CHODL: variants seen among roughly 807,000 people sequenced by gnomAD.
CHODL encodes chondrolectin, also known as transmembrane protein MT75.
A neutral mutation model predicts 34.5 loss-of-function variants in CHODL; 29 were observed. The observed-to-expected ratio is 0.84, with a 90% CI of 0.63 to 1.15. The LOEUF is 1.15. Ranked by LOEUF, CHODL falls within the 50% of genes most tolerant of loss-of-function variation. CHODL has a pLI of 0.00. For synonymous variants in CHODL, 125 were observed against 116.1 expected (o/e 1.08, Z -0.49); for missense variants, 332 against 332.5 (o/e 1.00, Z 0.01).
intron 2 of CHODL, among the ~76,000 whole-genome samples, chr21:18,102,253 C>G (rs917487625): frequency 6.6e-6 from 1 of 152,158 alleles, no homozygotes; most frequent in Non-Finnish European, 1.5e-5. Context: ...ATCCAGGGAA[C>G]GCCCAACACT....
chr21:17,975,091 G>T (rs2063650669), intron 1 of CHODL, among the ~76,000 whole-genome samples: 1 of 152,028 alleles, frequency 6.6e-6, no homozygotes, highest in African/African-American at 2.4e-5. Flanking sequence ...ACTTTGGAAG[G>T]CCAAGCCAGG....
chr21:18,174,098 G>GAGATATATATATATATCTTGGTAT lies in CHODL; in HGVS notation c.-44-82410_-44-82409insGATATATATATATATCTTGGTATA, dbSNP rs1568922980. On this transcript the variant is annotated intron_variant, in intron 2 of 6. Transcript: ENST00000400127. The stretch of plus-strand genomic sequence containing the variant: ...GAGGTAGAAGGGGAAACAAATACAG[G>GAGATATATATATATATCTTGGTAT]ATATATATATATATATATCTTGGTG... Among the ~76,000 whole-genome samples the GAGATATATATATATATCTTGGTAT allele has an allele frequency of 3.3e-4, 31 of 94,798 alleles. 7 individuals carry two copies. The highest frequency in any genetic ancestry group is 6.5e-4 in the Non-Finnish European group (27 of 41,442). The allele number at this position is 94,798 out of a possible 152,430, so 62.2% of individuals were successfully genotyped here. A position where few individuals can be genotyped will look rare whatever the true frequency, so the allele number is the denominator to read the frequency against.
At chr21:18,229,658 GAAT>G (rs1659596797) in intron 2 of CHODL, among the ~76,000 whole-genome samples, 5 of 152,154 alleles carry the variant, frequency 3.3e-5, no homozygotes, top group African/African-American at 1.2e-4. Flanking sequence ...GATATTTGTG[GAAT>G]AATAATACAA....
intron 1 of CHODL, among the ~76,000 whole-genome samples, chr21:17,937,174 T>C (rs1229937653): frequency 6.6e-6 from 1 of 152,068 alleles, no homozygotes; most frequent in Non-Finnish European, 1.5e-5. Context: ...GTTCAAGATC[T>C]TGATGATCCC....
upstream of CHODL, among the ~76,000 whole-genome samples, chr21:18,240,784 A>G (rs1011499491): frequency 6.6e-6 from 1 of 152,192 alleles, no homozygotes; most frequent in Non-Finnish European, 1.5e-5. Flanking sequence ...ACATATATTT[A>G]TATGATTCTT....
chr21:17,950,934 A>G (rs995034629), intron 1 of CHODL, among the ~76,000 whole-genome samples: 1 of 152,050 alleles, frequency 6.6e-6, no homozygotes, highest in Non-Finnish European at 1.5e-5. Flanking sequence ...TGGTCTTGCA[A>G]CCTCACAGTC....
chr21:18,012,902 G>T (rs2064032731), intron 1 of CHODL, among the ~76,000 whole-genome samples: 1 of 151,396 alleles, frequency 6.6e-6, no homozygotes, highest in Non-Finnish European at 1.5e-5. Context: ...GAGTGGTATT[G>T]CTGTCGTTCA....
chr21:18,001,917 G>A (rs2063910848), intron 1 of CHODL, among the ~76,000 whole-genome samples: 1 of 151,648 alleles, frequency 6.6e-6, no homozygotes, highest in East Asian at 1.9e-4. Context: ...TATTTTCCAT[G>A]TGTAGAATAA....
intron 2 of CHODL, among the ~76,000 whole-genome samples, chr21:18,150,181 G>A (rs535962719): frequency 2.0e-5 from 3 of 152,288 alleles, no homozygotes; most frequent in Non-Finnish European, 2.9e-5. Context: ...GAAAGGAAAC[G>A]TCTGGGTTAA....
chr21:18,036,198 A>G (rs1360755142), intron 2 of CHODL, among the ~76,000 whole-genome samples: 1 of 151,978 alleles, frequency 6.6e-6, no homozygotes, highest in East Asian at 1.9e-4. Flanking sequence ...TGAGTACTCT[A>G]CCTAATGACC....
intron 2 of CHODL, among the ~76,000 whole-genome samples, chr21:18,093,554 GAT>G (rs1247762618): frequency 2.0e-5 from 3 of 152,064 alleles, no homozygotes; most frequent in Non-Finnish European, 4.4e-5. Context: ...AGTACAATGA[GAT>G]ATAAAGATAA....
At chr21:18,028,227 C>CA (rs2064198839) in intron 2 of CHODL, among the ~76,000 whole-genome samples, 1 of 92,372 alleles carries the variant, frequency 1.1e-5, no homozygotes, top group Non-Finnish European at 2.4e-5. Context: ...CCCCTCCCCT[C>CA]CCCTCCCCTT....
At chr21:18,073,827 G>A (rs1282378715) in intron 2 of CHODL, among the ~76,000 whole-genome samples, 2 of 151,872 alleles carry the variant, frequency 1.3e-5, no homozygotes, top group Non-Finnish European at 2.9e-5. Context: ...AATCATTTAT[G>A]TAACTTATTA....
At chr21:17,920,293 G>T (rs2063173648) in intron 1 of CHODL, among the ~76,000 whole-genome samples, 1 of 152,220 alleles carries the variant, frequency 6.6e-6, no homozygotes. Context: ...AAAGAAAGAA[G>T]TTTAATGGAC....
chr21:18,170,431 T>A (rs1410871007), intron 2 of CHODL, among the ~76,000 whole-genome samples: 2 of 152,150 alleles, frequency 1.3e-5, no homozygotes, highest in Non-Finnish European at 2.9e-5. Flanking sequence ...AAACAGAATC[T>A]ACATCTGCCA....
chr21:18,175,454 G>A (rs1301257104), intron 2 of CHODL, among the ~76,000 whole-genome samples: 8 of 152,062 alleles, frequency 5.3e-5, no homozygotes, highest in East Asian at 1.9e-4. Flanking sequence ...TTAGCTGGGC[G>A]TGGTGGTGTG....
chr21:18,023,006 G>A (rs894410275), intron 1 of CHODL, among the ~76,000 whole-genome samples: 2 of 152,206 alleles, frequency 1.3e-5, no homozygotes, highest in South Asian at 4.1e-4. Context: ...GGTAACGGCT[G>A]TTGCCTAAAT....
Position 18,082,119 on chromosome 21 carries a change from C to A in CHODL, c.-45+54148C>A, listed in dbSNP as rs535470708. Reference sequence around the variant, plus strand: ...GTGGGAGATGATTGAATCGTGGGAGCAGACTTCTCCTTTGCTGTTCTTGTA... The same window carrying A: ...GTGGGAGATGATTGAATCGTGGGAGAAGACTTCTCCTTTGCTGTTCTTGTA... On this transcript the variant is annotated intron_variant, in intron 2 of 6. Transcript: ENST00000400127. Among the ~76,000 whole-genome samples the A allele has an allele frequency of 9.9e-5, 15 of 152,244 alleles. No individual in the cohort carries two copies. The South Asian group carries it at 2.1e-3, about 21-fold the overall frequency.
At chr21:18,232,953 A>ATATATATATATG (rs1226039972) in intron 2 of CHODL, among the ~76,000 whole-genome samples, 3 of 140,072 alleles carry the variant, frequency 2.1e-5, no homozygotes, top group African/African-American at 8.7e-5. Flanking sequence ...ATATATATAT[A>ATATATATATATG]TATATATATA....
Sources: gnomAD v4.1 joint callset for allele counts (sites outside exome capture counted in the v4.1 genomes callset) on GRCh38, gnomAD v4.1.1 for gene constraint, MANE v1.5 for transcripts, NCBI Gene and HGNC (gene_info 2026-07-23, HGNC 2026-07-21) for gene names.